ACAD10: variants seen among roughly 807,000 people sequenced by gnomAD.
ACAD10 encodes the protein ACAD-10.
A neutral mutation model predicts 116.8 loss-of-function variants in ACAD10; 112 were observed. The ratio of observed to expected loss-of-function variants is 0.96; its 90% CI spans 0.82 to 1.12. The LOEUF (loss-of-function observed/expected upper bound fraction) is 1.12, where lower values mean the gene tolerates loss of function less well. Among genes scored for constraint, ACAD10 ranks in the 50% most tolerant of loss-of-function variants. ACAD10 has a pLI of 0.00. For missense variants in ACAD10, 1,259 were observed against 1,350.2 expected, an observed-to-expected ratio of 0.93 and a Z score of 1.06; for synonymous variants, 486 against 510.6, an observed-to-expected ratio of 0.95 and a Z score of 0.65.
At chr12:111,747,529 C>T (rs1279321548) in intron 16 of ACAD10, 144 bp downstream of exon 16, 9 of 1,492,536 alleles carry the variant, frequency 6.0e-6, no homozygotes, top group Non-Finnish European at 8.0e-6. Flanking sequence ...GCAGAGGCAG[C>T]TGGGAGAATA....
intron 15 of ACAD10, 51 bp downstream of exon 15, chr12:111,747,237 C>T (rs1201626041): frequency 6.2e-6 from 10 of 1,611,652 alleles, no homozygotes; most frequent in Admixed American, 3.3e-5. Context: ...GTTGTCGGCC[C>T]CACAGGGAAC....
chr12:111,726,482 A>T (rs973250225), intron 8 of ACAD10, among the ~76,000 whole-genome samples: 1 of 152,064 alleles, frequency 6.6e-6, no homozygotes, highest in Non-Finnish European at 1.5e-5. Flanking sequence ...TCCCTAATTC[A>T]TTTCTTTTTT....
chr12:111,687,635 T>G (rs1348483362), intron 1 of ACAD10, among the ~76,000 whole-genome samples: 2 of 152,202 alleles, frequency 1.3e-5, no homozygotes, highest in African/African-American at 4.8e-5. Context: ...GTAGATAACA[T>G]TTCAACATGT....
intron 18 of ACAD10, 103 bp from the exon 19 acceptor site, chr12:111,753,669 T>C (rs767455123): frequency 1.3e-4 from 190 of 1,496,318 alleles, no homozygotes; most frequent in Non-Finnish European, 1.6e-4. Context: ...TCCCCTGCCC[T>C]GTCCTGTCTG....
chr12:111,695,259 C>T (rs1240500279), intron 2 of ACAD10, among the ~76,000 whole-genome samples: 1 of 152,190 alleles, frequency 6.6e-6, no homozygotes, highest in Non-Finnish European at 1.5e-5. Context: ...TCCCTGCCTC[C>T]TCTGCCTGTT....
At chr12:111,715,059 G>A (rs1414808387) in intron 6 of ACAD10, among the ~76,000 whole-genome samples, 4 of 152,132 alleles carry the variant, frequency 2.6e-5, no homozygotes, top group African/African-American at 4.8e-5. Flanking sequence ...CACTTGCTCC[G>A]TGAAAAAGGC....
At chr12:111,727,455 C>T (rs1223468747) in intron 8 of ACAD10, among the ~76,000 whole-genome samples, 2 of 135,224 alleles carry the variant, frequency 1.5e-5, no homozygotes, top group Non-Finnish European at 1.6e-5. Flanking sequence ...ACCTGGGAGG[C>T]GGAGCTTGCA....
In ACAD10 at chr12:111,734,026, T is replaced by C. The variant is rs199529402; in HGVS notation, c.1498T>C (p.Cys500Arg). Reference sequence around the variant, plus strand: ...CCCCCTTGCTGATGTGGCCTACAGCTGCCTGGCTCATTACCTGCCATCCAG... The same window carrying C: ...CCCCCTTGCTGATGTGGCCTACAGCCGCCTGGCTCATTACCTGCCATCCAG... ...GDPLADVAYS[C>R]LAHYLPSSFP... is the part of the protein sequence containing the mutation. Residue 500 changes from cysteine to arginine, a missense_variant, in exon 11 of 21, where the codon TGC (cysteine) becomes CGC (arginine). Physicochemically the swap from Cys to Arg is radical, Grantham distance 180 (BLOSUM62 -3). Coordinates refer to ENST00000313698, the MANE Select transcript of ACAD10 (RefSeq NM_025247.6). 84 of 1,614,224 alleles carry C rather than the reference T, an allele frequency of 5.2e-5. No individual in the cohort carries two copies. The highest frequency in any genetic ancestry group is 6.7e-5 in the Admixed American group (4 of 60,022).
intron 8 of ACAD10, among the ~76,000 whole-genome samples, chr12:111,726,268 A>G (rs1349925672): frequency 3.3e-5 from 5 of 151,990 alleles, no homozygotes; most frequent in Non-Finnish European, 5.9e-5. Flanking sequence ...ATAAATAAAT[A>G]AATAAATAGA....
intron 18 of ACAD10, chr12:111,753,389 G>A: frequency 1.2e-5 from 5 of 427,918 alleles, no homozygotes; most frequent in South Asian, 9.1e-5. Context: ...CGTGTGCAGT[G>A]CCTGCAGTCA....
chr12:111,735,459 AT>A (rs1177915405), intron 11 of ACAD10, among the ~76,000 whole-genome samples: 277 of 145,182 alleles, frequency 1.9e-3, no homozygotes, highest in Admixed American at 5.0e-3. Context: ...AAATAAGTGA[AT>A]TTTTTTTTTT....
chr12:111,752,303 T>C (rs1252916147), intron 18 of ACAD10, among the ~76,000 whole-genome samples: 1 of 151,834 alleles, frequency 6.6e-6, no homozygotes, highest in Non-Finnish European at 1.5e-5. Flanking sequence ...GTTGTTGTTG[T>C]TATTGTTTTA....
intron 13 of ACAD10, among the ~76,000 whole-genome samples, chr12:111,745,835 CTTTTTTTT>C (rs532150491): frequency 9.5e-6 from 1 of 104,766 alleles, no homozygotes; most frequent in Non-Finnish European, 1.9e-5. Context: ...CCATCTCTCT[CTTTTTTTT>C]TTTTTTTTTT....
At chr12:111,754,156 G>A (rs1396004116) in intron 19 of ACAD10, among the ~76,000 whole-genome samples, 1 of 152,190 alleles carries the variant, frequency 6.6e-6, no homozygotes, top group Non-Finnish European at 1.5e-5. Context: ...GGGCCCCTGG[G>A]TGGCCCTGGA....
In ACAD10 at chr12:111,712,674, C is replaced by G. The variant is rs144407922; in HGVS notation, c.850+17C>G. Reference sequence around the variant, plus strand: ...AGACCACAGGTATGTGGGCTTCTTTCATGTTTTGGTAGCTCTCTCCAAGGC... The same window carrying G: ...AGACCACAGGTATGTGGGCTTCTTTGATGTTTTGGTAGCTCTCTCCAAGGC... On this transcript the variant is annotated intron_variant, in intron 6 of 20. Transcript: ENST00000313698. 25 of 1,611,776 alleles carry G rather than the reference C, an allele frequency of 1.6e-5. No individual in the cohort carries two copies. In the African/African-American group the frequency reaches 2.5e-4, roughly 16 times the overall value.
At chr12:111,723,231 C>G (rs1240427273) in intron 8 of ACAD10, among the ~76,000 whole-genome samples, 1 of 136,012 alleles carries the variant, frequency 7.4e-6, no homozygotes, top group African/African-American at 2.8e-5. Context: ...GGCGGCTGGC[C>G]GGGCAGAGGG....
intron 11 of ACAD10, 151 bp downstream of exon 11, chr12:111,734,219 T>G (rs548850823): frequency 1.8e-6 from 2 of 1,127,270 alleles, no homozygotes; most frequent in Non-Finnish European, 2.5e-6. Context: ...AATGCAGTCC[T>G]GTCACATTTA....
intron 1 of ACAD10, among the ~76,000 whole-genome samples, chr12:111,690,176 T>A (rs1198663371): frequency 6.6e-6 from 1 of 152,168 alleles, no homozygotes; most frequent in Non-Finnish European, 1.5e-5. Context: ...TTGTCCCAAA[T>A]GTTTGGAACC....
intron 18 of ACAD10, 128 bp from the exon 19 acceptor site, chr12:111,753,644 C>T (rs756504565): frequency 1.5e-5 from 19 of 1,267,694 alleles, no homozygotes; most frequent in Non-Finnish European, 2.0e-5. Context: ...ATGCACAGTC[C>T]TGGTTTCACT....
Sources: allele counts gnomAD v4.1 joint callset (sites outside exome capture counted in the v4.1 genomes callset), GRCh38; gene constraint gnomAD v4.1.1; transcripts MANE v1.5; gene names NCBI Gene and HGNC (gene_info 2026-07-23, HGNC 2026-07-21).